ANO4: variants seen among roughly 807,000 people sequenced by gnomAD.
The protein encoded by ANO4 is anoctamin-4.
A neutral mutation model predicts 141.9 loss-of-function variants in ANO4; 69 were observed. The observed-to-expected ratio is 0.49, with a 90% CI of 0.40 to 0.59. The LOEUF (loss-of-function observed/expected upper bound fraction) is 0.59, where lower values mean the gene tolerates loss of function less well. ANO4 is among the 20% of genes least tolerant of loss of function. The pLI, the probability that ANO4 is intolerant of heterozygous loss-of-function variation, is 0.00. For synonymous variants in ANO4, 350 were observed against 394.3 expected, an observed-to-expected ratio of 0.89 and a Z score of 1.33; for missense variants, 894 against 1,162.2, an observed-to-expected ratio of 0.77 and a Z score of 3.36.
chr12:101,012,196 A>G (rs1216942967), intron 8 of ANO4, among the ~76,000 whole-genome samples: 2 of 152,156 alleles, frequency 1.3e-5, no homozygotes, highest in Non-Finnish European at 2.9e-5. Context: ...GGCCTAGAGT[A>G]GAGCATGAGA....
intron 1 of ANO4, among the ~76,000 whole-genome samples, chr12:100,810,072 A>T (rs1360832270): frequency 6.6e-6 from 1 of 152,090 alleles, no homozygotes; most frequent in African/African-American, 2.4e-5. Context: ...TGATAAGGTG[A>T]TATGTAAGTT....
At chr12:100,921,103 T>C (rs2041610868) in intron 2 of ANO4, among the ~76,000 whole-genome samples, 1 of 151,988 alleles carries the variant, frequency 6.6e-6, no homozygotes, top group Non-Finnish European at 1.5e-5. Flanking sequence ...AATTACTGCA[T>C]AGCCTCATTC....
At chr12:101,036,888 G>A (rs1055531126) in intron 9 of ANO4, among the ~76,000 whole-genome samples, 8 of 152,064 alleles carry the variant, frequency 5.3e-5, no homozygotes, top group East Asian at 1.9e-4. Context: ...TTTATTTGAC[G>A]GTCAAATATT....
At chr12:100,908,382 CACTTT>C (rs1398757411) in intron 2 of ANO4, among the ~76,000 whole-genome samples, 1 of 152,018 alleles carries the variant, frequency 6.6e-6, no homozygotes, top group Non-Finnish European at 1.5e-5. Flanking sequence ...AAAAAAACAT[CACTTT>C]ACTTATCTAC....
At chr12:100,875,874 A>G (rs1354522147) in intron 1 of ANO4, among the ~76,000 whole-genome samples, 2 of 152,192 alleles carry the variant, frequency 1.3e-5, no homozygotes, top group Non-Finnish European at 2.9e-5. Flanking sequence ...GGTGGGGATA[A>G]CTTAACAGTT....
At chr12:100,836,511 G>T (rs2135792126) in intron 1 of ANO4, among the ~76,000 whole-genome samples, 1 of 117,010 alleles carries the variant, frequency 8.5e-6, no homozygotes, top group South Asian at 2.9e-4. Flanking sequence ...CCCACAACAG[G>T]CCCTGGTATG....
At chr12:100,752,916 A>T (rs2032447989) in intron 3 of ANO4, among the ~76,000 whole-genome samples, 1 of 152,190 alleles carries the variant, frequency 6.6e-6, no homozygotes, top group African/African-American at 2.4e-5. Context: ...ATCAGCTGGG[A>T]CTTGGCCAGA....
At chr12:100,751,757 G>A (rs1010693944) in intron 3 of ANO4, among the ~76,000 whole-genome samples, 2 of 152,076 alleles carry the variant, frequency 1.3e-5, no homozygotes, top group Non-Finnish European at 2.9e-5. Flanking sequence ...AGAAGAGAGA[G>A]ATATGAAATA....
chr12:101,003,629 G>A (rs942235314), intron 8 of ANO4, among the ~76,000 whole-genome samples: 5 of 152,142 alleles, frequency 3.3e-5, no homozygotes, highest in African/African-American at 1.2e-4. Context: ...AGCTTACGGG[G>A]CTCAGATGAT....
intron 13 of ANO4, 46 bp downstream of exon 13, chr12:101,043,681 A>G (rs2047506769): frequency 1.4e-6 from 2 of 1,410,650 alleles, no homozygotes; most frequent in East Asian, 4.6e-5. Flanking sequence ...TTTAACATAC[A>G]CCTTCCTGAG....
chr12:100,883,232 C>A (rs949310524), intron 1 of ANO4, among the ~76,000 whole-genome samples: 1 of 152,198 alleles, frequency 6.6e-6, no homozygotes, highest in Non-Finnish European at 1.5e-5. Flanking sequence ...CTCCAATTAT[C>A]TGAGCAATGT....
chr12:100,994,657 A>G (rs1302501157), intron 8 of ANO4, among the ~76,000 whole-genome samples: 3 of 152,200 alleles, frequency 2.0e-5, no homozygotes, highest in African/African-American at 7.2e-5. Context: ...GTTAAATTAA[A>G]TACCAGTTCT....
intron 3 of ANO4, among the ~76,000 whole-genome samples, chr12:100,758,081 G>A (rs1040521596): frequency 1.3e-5 from 2 of 152,214 alleles, no homozygotes; most frequent in African/African-American, 4.8e-5. Flanking sequence ...TTGGATCAGA[G>A]ACTGGCAATT....
At chr12:101,029,301 A>G (rs12298944) in intron 9 of ANO4, among the ~76,000 whole-genome samples, 5 of 152,096 alleles carry the variant, frequency 3.3e-5, no homozygotes, top group African/African-American at 4.8e-5. Context: ...AGATAGCATC[A>G]TGATGACAGG....
chr12:100,772,314 C>T (rs1318978406), intron 3 of ANO4, among the ~76,000 whole-genome samples: 2 of 152,096 alleles, frequency 1.3e-5, no homozygotes, highest in South Asian at 2.1e-4. Flanking sequence ...ATCGAAAGGG[C>T]GTTTAGTGTG....
At chr12:100,762,499 G>T (rs546009495) in intron 3 of ANO4, among the ~76,000 whole-genome samples, 1 of 152,258 alleles carries the variant, frequency 6.6e-6, no homozygotes, top group Admixed American at 6.5e-5. Context: ...TGAAAAGCAA[G>T]GCTCCCCTGG....
chr12:100,727,470 A>G (rs558528381), intron 1 of ANO4, among the ~76,000 whole-genome samples: 3 of 152,260 alleles, frequency 2.0e-5, no homozygotes, highest in South Asian at 4.2e-4. Context: ...CCTTTTTCCT[A>G]AAAGTAATAT....
chr12:100,864,884 G>A (rs987108751), intron 1 of ANO4, among the ~76,000 whole-genome samples: 1 of 151,972 alleles, frequency 6.6e-6, no homozygotes, highest in East Asian at 1.9e-4. Context: ...TCCCCTCCTT[G>A]TGTCCATGTG....
At chr12:100,904,166 A>G (rs2040730439) in intron 2 of ANO4, among the ~76,000 whole-genome samples, 1 of 152,218 alleles carries the variant, frequency 6.6e-6, no homozygotes, top group South Asian at 2.1e-4. Context: ...GCTGTGTTTT[A>G]GACTACTACA....
Sources: gnomAD v4.1 joint callset for allele counts (sites outside exome capture counted in the v4.1 genomes callset) on GRCh38, gnomAD v4.1.1 for gene constraint, MANE v1.5 for transcripts, NCBI Gene and HGNC (gene_info 2026-07-23, HGNC 2026-07-21) for gene names.